The following GARNL3 variants were observed in gnomAD, a reference collection of about 807,000 sequenced individuals.
GARNL3 encodes GTPase-activating Rap/Ran-GAP domain-like protein 3.
A neutral mutation model predicts 125.0 loss-of-function variants in GARNL3; 63 were observed. The ratio of observed to expected loss-of-function variants is 0.50; its 90% CI spans 0.41 to 0.62. The LOEUF is 0.62. Ranked by LOEUF, GARNL3 falls within the 20% of genes least tolerant of loss-of-function variation. The pLI is 0.00. For synonymous variants in GARNL3, 439 were observed against 457.5 expected (o/e 0.96, Z 0.52); for missense variants, 994 against 1,244.0 (o/e 0.80, Z 3.02).
chr9:127,250,682 C>T (rs928750126), intron 2 of GARNL3, among the ~76,000 whole-genome samples: 6 of 152,152 alleles, frequency 3.9e-5, no homozygotes, highest in Admixed American at 1.3e-4. Context: ...CAGGCACAGT[C>T]GAGATTTTCA....
chr9:127,263,737 C>T (rs2063641931), upstream of GARNL3: 1 of 1,193,828 alleles, frequency 8.4e-7, no homozygotes, highest in African/African-American at 1.6e-5. Context: ...TGCCCATTTT[C>T]AGCTAAGAGA....
chr9:127,368,569 G>A (rs1450703727), intron 22 of GARNL3, among the ~76,000 whole-genome samples: 1 of 151,046 alleles, frequency 6.6e-6, no homozygotes, highest in Non-Finnish European at 1.5e-5. Flanking sequence ...GACCTCAGGT[G>A]ATCCACCTGC....
chr9:127,349,104 AC>A, intron 17 of GARNL3, 69 bp downstream of exon 17: 1 of 1,024,850 alleles, frequency 9.8e-7, no homozygotes, highest in South Asian at 1.3e-5. Context: ...ATGAGTGACC[AC>A]CAACCAACTC....
intron 1 of GARNL3, among the ~76,000 whole-genome samples, chr9:127,236,567 T>G (rs778313938): frequency 3.9e-4 from 60 of 152,200 alleles, no homozygotes; most frequent in Non-Finnish European, 6.6e-4. Context: ...TCTCACCTGA[T>G]CCTCCCACCT....
intron 10 of GARNL3, 41 bp downstream of exon 10, chr9:127,335,374 G>T (rs1381738894): frequency 7.1e-7 from 1 of 1,399,816 alleles, no homozygotes; most frequent in South Asian, 1.2e-5. Context: ...TGATGTGAAT[G>T]TGGAGAGGGC....
chr9:127,305,342 A>AT (rs983243895), intron 2 of GARNL3, among the ~76,000 whole-genome samples: 2 of 151,734 alleles, frequency 1.3e-5, no homozygotes, highest in African/African-American at 2.4e-5. Flanking sequence ...GAAAAGTGGG[A>AT]TTTTTTTTGT....
chr9:127,310,868 G>A (rs1347222663), intron 2 of GARNL3, among the ~76,000 whole-genome samples: 1 of 152,120 alleles, frequency 6.6e-6, no homozygotes, highest in African/African-American at 2.4e-5. Flanking sequence ...CATTGCTGGT[G>A]GAACTATAAT....
chr9:127,329,985 G>GT (rs1228898978), intron 7 of GARNL3, among the ~76,000 whole-genome samples: 1 of 152,198 alleles, frequency 6.6e-6, no homozygotes, highest in East Asian at 1.9e-4. Context: ...CAGCCTCTTG[G>GT]TTTTTTCTTT....
chr9:127,370,967 G>A (rs763627180), intron 22 of GARNL3, among the ~76,000 whole-genome samples: 3 of 152,080 alleles, frequency 2.0e-5, no homozygotes, highest in Non-Finnish European at 4.4e-5. Flanking sequence ...AGGGCACCTC[G>A]GACTCAACCT....
upstream of GARNL3, among the ~76,000 whole-genome samples, chr9:127,261,007 G>A (rs2063577606): frequency 6.6e-6 from 1 of 152,142 alleles, no homozygotes; most frequent in African/African-American, 2.4e-5. Flanking sequence ...CGTAATTCCA[G>A]CACTTTGGGA....
At chr9:127,345,790 C>T (rs188188552) in intron 16 of GARNL3, among the ~76,000 whole-genome samples, 1 of 152,348 alleles carries the variant, frequency 6.6e-6, no homozygotes, top group Admixed American at 6.5e-5. Context: ...TGACCAAATG[C>T]GTGTTCTGAT....
At chr9:127,306,398 C>T (rs912102642) in intron 2 of GARNL3, among the ~76,000 whole-genome samples, 3 of 152,054 alleles carry the variant, frequency 2.0e-5, no homozygotes, top group Non-Finnish European at 2.9e-5. Flanking sequence ...GCCTGGCCAA[C>T]GTGACGAAAC....
At chr9:127,390,607 G>T (rs535820454) in intron 26 of GARNL3, 34 bp from the exon 27 acceptor site, 10 of 1,609,888 alleles carry the variant, frequency 6.2e-6, no homozygotes, top group Non-Finnish European at 8.5e-6. Context: ...CAGCCCTGTG[G>T]TAGTGACCCT....
intron 17 of GARNL3, among the ~76,000 whole-genome samples, chr9:127,350,336 G>A (rs908970505): frequency 6.6e-6 from 1 of 152,118 alleles, no homozygotes; most frequent in Middle Eastern, 3.2e-3. Context: ...AACAAAATGG[G>A]ATGATGATCA....
intron 2 of GARNL3, among the ~76,000 whole-genome samples, chr9:127,307,437 G>A (rs572055059): frequency 6.6e-6 from 1 of 152,162 alleles, no homozygotes; most frequent in Admixed American, 6.5e-5. Context: ...AAGTTTAAAC[G>A]TCCTGATGAC....
chr9:127,227,877 A>G (rs907879518), intron 1 of GARNL3, among the ~76,000 whole-genome samples: 5 of 150,136 alleles, frequency 3.3e-5, no homozygotes, highest in East Asian at 2.0e-4. Flanking sequence ...CTGTGATTGC[A>G]CCACTGCACC....
chr9:127,367,240 T>A (rs1443178596), intron 22 of GARNL3: 1 of 152,256 alleles, frequency 6.6e-6, no homozygotes, highest in Non-Finnish European at 1.5e-5. Context: ...AATTTGCCTG[T>A]TTAGTCTATG....
At chr9:127,348,115 A>C (rs1407683045) in intron 16 of GARNL3, among the ~76,000 whole-genome samples, 1 of 152,170 alleles carries the variant, frequency 6.6e-6, no homozygotes, top group Non-Finnish European at 1.5e-5. Context: ...ATTGAGAGTA[A>C]AAGTGAAGAT....
chr9:127,260,443 G>T (rs2063566635), upstream of GARNL3, among the ~76,000 whole-genome samples: 1 of 152,214 alleles, frequency 6.6e-6, no homozygotes, highest in African/African-American at 2.4e-5. Context: ...TGAGGAACAT[G>T]TCCTCTGACA....
Sources: allele counts gnomAD v4.1 joint callset (sites outside exome capture counted in the v4.1 genomes callset), GRCh38; gene constraint gnomAD v4.1.1; transcripts MANE v1.5; gene names NCBI Gene and HGNC (gene_info 2026-07-23, HGNC 2026-07-21).